The following NLGN4X variants were observed in gnomAD, a reference collection of about 807,000 sequenced individuals.
The protein encoded by NLGN4X is neuroligin-4, X-linked.
A neutral mutation model predicts 40.3 loss-of-function variants in NLGN4X; 3 were observed. The ratio of observed to expected loss-of-function variants is 0.07; its 90% CI spans 0.03 to 0.19. The LOEUF (loss-of-function observed/expected upper bound fraction) is 0.19. Among genes scored for constraint, NLGN4X ranks in the 10% least tolerant of loss-of-function variants. NLGN4X has a pLI of 1.00. For missense variants in NLGN4X, 382 were observed against 708.3 expected (o/e 0.54, Z 5.23); for synonymous variants, 270 against 306.8 (o/e 0.88, Z 1.25).
intron 3 of NLGN4X, among the ~76,000 whole-genome samples, chrX:5,985,931 C>T (rs1373673160): frequency 9.0e-6 from 1 of 111,673 alleles, no homozygotes; most frequent in African/African-American, 3.3e-5. Flanking sequence ...CTTAATTTGC[C>T]ACAATGCAAT....
chrX:6,181,420 A>G (rs910516608), intron 1 of NLGN4X, among the ~76,000 whole-genome samples: 2 of 111,945 alleles, frequency 1.8e-5, no homozygotes, highest in African/African-American at 6.5e-5. Flanking sequence ...ATAATTTTTG[A>G]CTGTGTGTCT....
chrX:6,152,608 G>A (rs1011682061), intron 1 of NLGN4X, among the ~76,000 whole-genome samples: 1 of 111,984 alleles, frequency 8.9e-6, no homozygotes, highest in East Asian at 2.8e-4. Flanking sequence ...TGAAAAGAGT[G>A]TAGACTTTGG....
chrX:6,074,360 C>T (rs780690233), intron 2 of NLGN4X, among the ~76,000 whole-genome samples: 1 of 111,580 alleles, frequency 9.0e-6, no homozygotes, highest in Non-Finnish European at 1.9e-5. Context: ...AACTTGCCCT[C>T]CGGGAAGCCT....
rs145967391 is a variant in NLGN4X at position 5,966,313 on chromosome X, T to C, written c.626-57074A>G. Reference sequence around the variant, plus strand: ...TGAGTATGAATATGATGTTGAGTCATGTGTAAACTTAGCTTAAATATTAAT... The same window carrying C: ...TGAGTATGAATATGATGTTGAGTCACGTGTAAACTTAGCTTAAATATTAAT... On this transcript the variant is annotated intron_variant, in intron 3 of 5. Transcript: ENST00000381095. Among the ~76,000 whole-genome samples the C allele has an allele frequency of 2.4e-3, 273 of 112,585 alleles. 2 individuals are homozygous for C. The highest frequency in any genetic ancestry group is 8.1e-3 in the African/African-American group (253 of 31,093).
chrX:6,069,050 G>C (rs1449089861), intron 2 of NLGN4X, among the ~76,000 whole-genome samples: 1 of 111,906 alleles, frequency 8.9e-6, no homozygotes, highest in Non-Finnish European at 1.9e-5. Context: ...AGCACTTTGG[G>C]AGACTGAGGC....
chrX:6,043,681 C>A (rs975659943), intron 2 of NLGN4X, among the ~76,000 whole-genome samples: 2 of 111,707 alleles, frequency 1.8e-5, no homozygotes, highest in African/African-American at 6.5e-5. Flanking sequence ...TCGCCCTTAG[C>A]GTTTCTTGTG....
chrX:6,140,837 C>T (rs897955978), intron 2 of NLGN4X, among the ~76,000 whole-genome samples: 3 of 110,067 alleles, frequency 2.7e-5, no homozygotes, highest in African/African-American at 1.0e-4. Flanking sequence ...CTAGACCTCC[C>T]CAAGTGCTAG....
chrX:6,042,202 A>G (rs1020420432), intron 2 of NLGN4X, among the ~76,000 whole-genome samples: 1 of 111,666 alleles, frequency 9.0e-6, no homozygotes, highest in Non-Finnish European at 1.9e-5. Context: ...AGACTGAGAG[A>G]AAAAGGTGAA....
At chrX:5,964,634 G>A (rs2034766403) in intron 3 of NLGN4X, among the ~76,000 whole-genome samples, 1 of 110,889 alleles carries the variant, frequency 9.0e-6, no homozygotes, top group Non-Finnish European at 1.9e-5. Flanking sequence ...AGCCTCTCGA[G>A]CAGCTGTGAC....
chrX:5,908,683 A>C (rs1376350765), intron 4 of NLGN4X, among the ~76,000 whole-genome samples: 1 of 111,948 alleles, frequency 8.9e-6, no homozygotes, highest in Admixed American at 9.4e-5. Context: ...CCAAGGCAGG[A>C]GGATCGCTTG....
At chrX:6,193,964 T>C (rs780977158) in intron 1 of NLGN4X, among the ~76,000 whole-genome samples, 45 of 112,507 alleles carry the variant, frequency 4.0e-4, no homozygotes, top group Admixed American at 1.7e-3. Context: ...CCTGCAGAGA[T>C]GTTTTGCTGT....
intron 2 of NLGN4X, among the ~76,000 whole-genome samples, chrX:6,110,717 T>C (rs1330550920): frequency 9.0e-6 from 1 of 111,700 alleles, no homozygotes; most frequent in Non-Finnish European, 1.9e-5. Context: ...TAGAGGCACT[T>C]GTAATATCCA....
intron 2 of NLGN4X, among the ~76,000 whole-genome samples, chrX:6,053,034 G>A (rs1382703808): frequency 8.9e-6 from 1 of 111,775 alleles, no homozygotes; most frequent in Admixed American, 9.5e-5. Context: ...CAACCCTACT[G>A]AGGCACCACA....
rs199579114 is a variant in NLGN4X, at chrX:6,227,967, G to T, written c.-306+574C>A. 326 of 91,715 alleles carry T rather than the reference G, an allele frequency of 3.6e-3. 4 individuals are homozygous for T. The highest frequency in any genetic ancestry group is 0.01 in the African/African-American group (241 of 23,030). The allele number at this position is 91,715 out of a possible 1,213,427, so 7.6% of individuals were successfully genotyped here. A position where few individuals can be genotyped will look rare whatever the true frequency, so the allele number is the denominator to read the frequency against. On this transcript the variant is annotated intron_variant, in intron 1 of 5. Transcript: ENST00000381095. ...GTTTTCTTAAAGAATAAGGGGGGGG[G>T]GTGGGGGGGGAGAGAAAAAGAAAAG...
intron 2 of NLGN4X, among the ~76,000 whole-genome samples, chrX:6,096,484 A>C (rs1193016825): frequency 8.9e-6 from 1 of 112,129 alleles, no homozygotes; most frequent in East Asian, 2.8e-4. Flanking sequence ...CCTTTAAAAA[A>C]AAATAATGGT....
chrX:5,909,344 C>T (rs1391033510), intron 3 of NLGN4X, 105 bp from the exon 4 acceptor site: 6 of 926,002 alleles, frequency 6.5e-6, no homozygotes, highest in Non-Finnish European at 9.2e-6. Flanking sequence ...CATTCTCTCT[C>T]TCCTCAACTC....
intron 2 of NLGN4X, among the ~76,000 whole-genome samples, chrX:6,063,015 C>T (rs60525868): frequency 0.088 from 9,795 of 110,792 alleles, 409 homozygotes; most frequent in Non-Finnish European, 0.13. Flanking sequence ...TCTCATATAT[C>T]ATCATGGCTT....
chrX:6,053,134 C>G (rs1434012056), intron 2 of NLGN4X, among the ~76,000 whole-genome samples: 2 of 111,731 alleles, frequency 1.8e-5, no homozygotes, highest in Non-Finnish European at 3.8e-5. Flanking sequence ...AGAAATCCCC[C>G]CATGAGACTG....
chrX:6,116,467 G>C (rs749201169), intron 2 of NLGN4X, among the ~76,000 whole-genome samples: 1 of 74,499 alleles, frequency 1.3e-5, no homozygotes, highest in South Asian at 9.6e-4. Flanking sequence ...CCAGGCTGGA[G>C]TGCAATGGCA....
Sources: allele counts gnomAD v4.1 joint callset (sites outside exome capture counted in the v4.1 genomes callset), GRCh38; gene constraint gnomAD v4.1.1; transcripts MANE v1.5; gene names NCBI Gene and HGNC (gene_info 2026-07-23, HGNC 2026-07-21).